Variants in ZNF875 observed in about 807,000 individuals in gnomAD.
ZNF875 encodes HKR1, GLI-Kruppel zinc finger family member.
A neutral mutation model predicts 11.2 loss-of-function variants in ZNF875; 14 were observed. That is an observed-to-expected ratio of 1.26 (90% CI 0.83 to 1.96). The LOEUF is 1.96. ZNF875 is among the 30% of genes most tolerant of loss of function. The pLI is 0.00. For missense variants in ZNF875, 752 were observed against 760.4 expected (o/e 0.99, Z 0.13); for synonymous variants, 301 against 281.1 (o/e 1.07, Z -0.71).
chr19:37,346,096 T>C (rs887083007), intron 2 of ZNF875, among the ~76,000 whole-genome samples: 5 of 151,816 alleles, frequency 3.3e-5, no homozygotes, highest in Non-Finnish European at 7.4e-5. Context: ...AGTCAGAAAA[T>C]AGAAATGAAT....
intron 4 of ZNF875, among the ~76,000 whole-genome samples, chr19:37,327,552 G>T (rs1482789230): frequency 2.0e-5 from 3 of 151,832 alleles, no homozygotes; most frequent in African/African-American, 4.8e-5. Context: ...CAGATCACCT[G>T]AGGTCAGGGG....
In ZNF875 at chr19:37,362,951, G is replaced by A; in HGVS notation, c.1099G>A (p.Val367Ile). The A allele has an allele frequency of 1.2e-6, 2 of 1,614,172 alleles. No homozygotes were observed. The highest frequency in any genetic ancestry group is 1.6e-4 in the Middle Eastern group (1 of 6,062). Reference protein sequence around the residue: ...QRAHTGEKPYVCRECGRGFRQ... With the variant: ...QRAHTGEKPYICRECGRGFRQ... ...GGCGCACACTGGGGAGAAGCCTTAT[G>A]TTTGCAGGGAATGTGGGCGTGGCTT... Residue 367 changes from valine (V) to isoleucine (I), a missense_variant, in exon 5 of 5, where the codon GTT (valine) becomes ATT (isoleucine). By Grantham distance (29) the Val-to-Ile change is conservative. Transcript: ENST00000392153.
intron 2 of ZNF875, 123 bp from the exon 3 acceptor site, chr19:37,347,067 T>G (rs1051090812): frequency 7.7e-7 from 1 of 1,297,324 alleles, no homozygotes; most frequent in Non-Finnish European, 1.1e-6. Context: ...TCCGCCCACC[T>G]TGGCCTCCCA....
chr19:37,339,843 G>A (rs2035317220), intron 2 of ZNF875, among the ~76,000 whole-genome samples: 1 of 152,028 alleles, frequency 6.6e-6, no homozygotes, highest in Admixed American at 6.5e-5. Flanking sequence ...GGAATTACAG[G>A]CATGAGCACC....
At chr19:37,346,573 T>C (rs907737076) in intron 2 of ZNF875, 8 of 153,934 alleles carry the variant, frequency 5.2e-5, no homozygotes, top group Non-Finnish European at 1.2e-4. Context: ...CTCAGAAAAT[T>C]TTCAAACTCA....
intron 4 of ZNF875, among the ~76,000 whole-genome samples, chr19:37,361,160 G>T (rs1461321743): frequency 3.4e-5 from 5 of 146,326 alleles, no homozygotes; most frequent in Non-Finnish European, 7.4e-5. Context: ...CACCAGGCTG[G>T]AGTGTGGTGG....
intron 4 of ZNF875, among the ~76,000 whole-genome samples, chr19:37,351,167 C>T (rs898918060): frequency 1.3e-5 from 2 of 152,092 alleles, no homozygotes; most frequent in Admixed American, 1.3e-4. Flanking sequence ...ATGTGTCAGT[C>T]TTTTTAAATT....
intron 2 of ZNF875, 125 bp downstream of exon 2, chr19:37,335,382 A>G: frequency 3.5e-6 from 2 of 574,588 alleles, no homozygotes; most frequent in Non-Finnish European, 6.3e-6. Flanking sequence ...TTCCTAGTCC[A>G]TAGAACAAGG....
chr19:37,363,084 G>A lies in ZNF875; in HGVS notation c.1232G>A (p.Arg411Lys). ...QGFSQKSHLI[R>K]HLRTHTGEKP... Reference sequence around the variant, plus strand: ...TTTAGCCAGAAGTCACACCTCATCAGACACTTAAGGACACACACAGGAGAG... The same window carrying A: ...TTTAGCCAGAAGTCACACCTCATCAAACACTTAAGGACACACACAGGAGAG... Residue 411 changes from arginine to lysine, a missense_variant, in exon 5 of 5, where the codon AGA (arginine) becomes AAA (lysine). Transcript: ENST00000392153. 6.2e-7 allele frequency: 1 copy of A among 1,613,764 alleles called. No individual in the cohort carries two copies. Among genetic ancestry groups the A allele is most frequent in the Non-Finnish European group, 8.5e-7 (1 of 1,179,928 alleles).
intron 2 of ZNF875, chr19:37,344,887 T>TCA: frequency 1.4e-6 from 1 of 735,412 alleles, no homozygotes; most frequent in Non-Finnish European, 2.5e-6. Context: ...TAAAAGCAAA[T>TCA]CACAACAGGG....
At position 37,347,196 on chromosome 19, in the gene ZNF875, G is replaced by C; in HGVS notation, c.40G>C (p.Val14Leu). Residue 14 changes from valine to leucine, a missense_variant, in exon 3 of 5, where the codon GTG becomes CTG. Physicochemically the swap from Val to Leu is conservative, Grantham distance 32. Coordinates refer to ENST00000392153, the MANE Select transcript of ZNF875 (RefSeq NM_001353803.2). ...GGTGTGTTTTGTGTTAAAGGCGTTC[G>C]TGGCATTCAGGGATGTGGCTGTGTA... ...GLLRAKKEAFVAFRDVAVYFT... is the reference protein window; with the variant it reads ...GLLRAKKEAFLAFRDVAVYFT... The C allele has an allele frequency of 4.3e-6, 7 of 1,614,042 alleles. No homozygotes were observed. The highest frequency in any genetic ancestry group is 2.7e-5 in the African/African-American group (2 of 75,030).
intron 2 of ZNF875, chr19:37,322,351 A>G (rs1334995047): frequency 6.6e-6 from 1 of 152,146 alleles, no homozygotes; most frequent in South Asian, 2.1e-4. Flanking sequence ...GGATATTTTC[A>G]TATTTTACTA....
rs2040224922 is a variant in ZNF875 at position 37,363,015 on chromosome 19, A to G, written c.1163A>G (p.His388Arg). The G allele has an allele frequency of 6.2e-7, 1 of 1,614,154 alleles. No homozygotes were observed. Among genetic ancestry groups the G allele is most frequent in the African/African-American group, 1.3e-5 (1 of 74,950 alleles). ...CACCTGGTCAGACACAAGAGGACAC[A>G]TTCAGGAGAGAAGCCTTACATTTGC... is the stretch of plus-strand genomic sequence containing the variant. ...HSHLVRHKRT[H>R]SGEKPYICRE... Residue 388 changes from histidine to arginine, a missense_variant, in exon 5 of 5, where the codon CAT (histidine) becomes CGT (arginine). By Grantham distance (29) the His-to-Arg change is conservative. Transcript: ENST00000392153.
At chr19:37,332,623 G>A (rs796623957), upstream of ZNF875, among the ~76,000 whole-genome samples, 1 of 152,216 alleles carries the variant, frequency 6.6e-6, no homozygotes, top group African/African-American at 2.4e-5. Flanking sequence ...GCTTCTTCCA[G>A]TGTATTTTCT....
chr19:37,319,855 C>G lies in ZNF875; in HGVS notation c.-747+1669C>G, dbSNP rs957750772. On this transcript the variant is annotated intron_variant, in intron 1 of 5. Transcript: ENST00000544914. ...AGCTCTTTCATGAGCAGCCTTGATT[C>G]CTTTGACTCCCTCTAACTCAGAGTT... Among the ~76,000 whole-genome samples, 9 of 152,114 alleles carry G rather than the reference C, an allele frequency of 5.9e-5. 1 individual carries two copies. The highest frequency in any genetic ancestry group is 5.2e-4 in the Admixed American group (8 of 15,270).
At chr19:37,359,211 G>C (rs1421301811) in intron 4 of ZNF875, among the ~76,000 whole-genome samples, 1 of 151,888 alleles carries the variant, frequency 6.6e-6, no homozygotes, top group African/African-American at 2.4e-5. Flanking sequence ...TGTGTGTACA[G>C]TTCAATAATT....
chr19:37,353,315 G>T (rs545800918), intron 4 of ZNF875, among the ~76,000 whole-genome samples: 2 of 152,278 alleles, frequency 1.3e-5, no homozygotes, highest in African/African-American at 4.8e-5. Context: ...GGTAATGTAA[G>T]AATCTCACAA....
At chr19:37,350,272 G>T (rs2037623287) in intron 4 of ZNF875, among the ~76,000 whole-genome samples, 1 of 151,578 alleles carries the variant, frequency 6.6e-6, no homozygotes, top group Non-Finnish European at 1.5e-5. Flanking sequence ...ACCACGCCCG[G>T]CTAACTTTTT....
chr19:37,347,978 G>A, intron 4 of ZNF875, 106 bp downstream of exon 4: 1 of 681,958 alleles, frequency 1.5e-6, no homozygotes, highest in Non-Finnish European at 2.6e-6. Flanking sequence ...GGCCTCCTAA[G>A]CCAAGAGAAA....
Sources: allele counts gnomAD v4.1 joint callset (sites outside exome capture counted in the v4.1 genomes callset), GRCh38; gene constraint gnomAD v4.1.1; transcripts MANE v1.5; gene names NCBI Gene and HGNC (gene_info 2026-07-23, HGNC 2026-07-21).